Variants in PCDHA8 observed in about 807,000 individuals in gnomAD.
The protein encoded by PCDHA8 is protocadherin alpha 8, also known as protocadherin alpha-8.
PCDHA8 carries 53 observed loss-of-function variants against 61.8 expected under a neutral mutation model. The ratio of observed to expected loss-of-function variants is 0.86; its 90% confidence interval spans 0.69 to 1.08. The LOEUF is 1.08. Among genes scored for constraint, PCDHA8 ranks in the 50% least tolerant of loss-of-function variants. PCDHA8 has a pLI of 0.00. For missense variants in PCDHA8, 1,293 were observed against 1,245.0 expected, an observed-to-expected ratio of 1.04 and a Z score of -0.58; for synonymous variants, 618 against 556.6, an observed-to-expected ratio of 1.11 and a Z score of -1.55.
intron 1 of PCDHA8, among the ~76,000 whole-genome samples, chr5:140,918,002 A>G (rs2153546564): frequency 1.3e-5 from 2 of 152,244 alleles, no homozygotes; most frequent in South Asian, 4.2e-4. Context: ...TATCTTAACA[A>G]TGTTGTTTCT....
At position 140,850,688 on chromosome 5, in the gene PCDHA8, G is replaced by A. The variant is rs2150494137; in HGVS notation, c.2394+6973G>A. On this transcript the variant is annotated intron_variant, in intron 1 of 3. Coordinates refer to ENST00000531613, the MANE Select transcript of PCDHA8 (RefSeq NM_018911.3). ...GCTCGGCGATGCCCACCGAGGGCGA[G>A]TGCGCGCCTGGCAAGCCGACGCTGG... The A allele has an allele frequency of 4.4e-6, 7 of 1,598,388 alleles. 1 individual carries two copies. The African/African-American group carries it at 8.1e-5, about 18-fold the overall frequency.
intron 1 of PCDHA8, chr5:140,928,490 CT>C: frequency 1.2e-6 from 2 of 1,614,150 alleles, no homozygotes; most frequent in Non-Finnish European, 1.7e-6. Context: ...GGTGGCATTC[CT>C]CCCAGAAGTG....
chr5:140,986,732 C>T (rs1427962629), intron 3 of PCDHA8, among the ~76,000 whole-genome samples: 1 of 152,150 alleles, frequency 6.6e-6, no homozygotes, highest in African/African-American at 2.4e-5. Context: ...CTTCTCAAGA[C>T]CCCAGGGGAT....
chr5:140,985,590 T>C (rs1049609959), intron 3 of PCDHA8, among the ~76,000 whole-genome samples: 5 of 152,166 alleles, frequency 3.3e-5, no homozygotes, highest in African/African-American at 1.2e-4. Flanking sequence ...TCCTTATACT[T>C]GCTTCAGAGC....
intron 1 of PCDHA8, chr5:140,859,996 T>A (rs181986889): frequency 4.7e-4 from 71 of 152,116 alleles, no homozygotes; most frequent in Non-Finnish European, 8.7e-4. Context: ...TCTCCATCAA[T>A]ACTAACTTAA....
chr5:140,968,782 C>T (rs1256152245), intron 1 of PCDHA8: 43 of 1,614,072 alleles, frequency 2.7e-5, no homozygotes, highest in African/African-American at 8.0e-5. Flanking sequence ...CACTATCAGC[C>T]TCTGTGGCCA....
At chr5:141,006,606 C>T (rs782461917) in intron 3 of PCDHA8, among the ~76,000 whole-genome samples, 3 of 152,112 alleles carry the variant, frequency 2.0e-5, no homozygotes, top group Non-Finnish European at 4.4e-5. Flanking sequence ...TGGAAGCAGA[C>T]TGAATAAGGA....
At chr5:140,929,357 G>A (rs1554207016) in intron 1 of PCDHA8, 14 of 1,523,448 alleles carry the variant, frequency 9.2e-6, no homozygotes, top group Non-Finnish European at 1.2e-5. Flanking sequence ...TGATTCCTTT[G>A]GCCCGGAGAT....
rs184768008 is a variant in PCDHA8 at position 140,933,949 on chromosome 5, G to C, written c.2395-45000G>C. ...GTTGTGACTTTTTTTCACATCTGCA[G>C]GATCTGTAGTGATGTTTCCCTTTTC... On this transcript the variant is annotated intron_variant, in intron 1 of 3. Coordinates refer to ENST00000531613, the MANE Select transcript of PCDHA8 (RefSeq NM_018911.3). Among the ~76,000 whole-genome samples the C allele has an allele frequency of 8.5e-4, 129 of 151,910 alleles. 1 individual carries two copies. The highest frequency in any genetic ancestry group is 3.0e-3 in the African/African-American group (123 of 41,458).
At chr5:140,962,431 A>G (rs782205198) in intron 1 of PCDHA8, among the ~76,000 whole-genome samples, 2 of 152,126 alleles carry the variant, frequency 1.3e-5, no homozygotes, top group Non-Finnish European at 2.9e-5. Flanking sequence ...ATTGTTACTT[A>G]TCCAAAGATG....
At position 140,842,785 on chromosome 5, in the gene PCDHA8, G is replaced by A. The variant is rs2150344223; in HGVS notation, c.1464G>A (p.Ala488=). 4 of 1,594,390 alleles carry A rather than the reference G, an allele frequency of 2.5e-6. 1 individual carries two copies. The highest frequency in any genetic ancestry group is 3.4e-5 in the Admixed American group (2 of 59,288). ...SARDADAQEN[A]LVSYSLVERR... ...GAGACGCGGACGCGCAGGAGAACGCGCTGGTGTCCTACTCGCTTGTGGAGC... is the reference window on the plus strand; with the variant it reads ...GAGACGCGGACGCGCAGGAGAACGCACTGGTGTCCTACTCGCTTGTGGAGC... Residue 488 remains alanine (A), a synonymous_variant, in exon 1 of 4, where the codon GCG becomes GCA. Transcript: ENST00000531613.
intron 1 of PCDHA8, among the ~76,000 whole-genome samples, chr5:140,958,419 A>G (rs1275772647): frequency 6.6e-6 from 1 of 152,196 alleles, no homozygotes; most frequent in Non-Finnish European, 1.5e-5. Flanking sequence ...GCTTGGAAAG[A>G]AGCACTTTTT....
intron 1 of PCDHA8, chr5:140,858,274 G>T: frequency 6.3e-7 from 1 of 1,597,416 alleles, no homozygotes; most frequent in Non-Finnish European, 8.6e-7. Flanking sequence ...GCTCTAGCGC[G>T]GTGGGGAGCT....
intron 1 of PCDHA8, among the ~76,000 whole-genome samples, chr5:140,915,901 G>A (rs1339531688): frequency 1.3e-5 from 2 of 152,250 alleles, no homozygotes; most frequent in East Asian, 1.9e-4. Flanking sequence ...CCTGGCCCTG[G>A]GCAGGCCCAG....
At chr5:140,948,957 C>G (rs1338643900) in intron 1 of PCDHA8, among the ~76,000 whole-genome samples, 2 of 151,542 alleles carry the variant, frequency 1.3e-5, no homozygotes, top group Admixed American at 1.3e-4. Context: ...AAATTAAAGC[C>G]ACGAATTTAT....
chr5:140,848,861 G>C, intron 1 of PCDHA8: 1 of 1,590,758 alleles, frequency 6.3e-7, no homozygotes, highest in Non-Finnish European at 8.6e-7. Flanking sequence ...TGGACGTGGA[G>C]GTGAAGGACA....
At chr5:140,884,020 G>A (rs61734917) in intron 1 of PCDHA8, 5 of 1,613,174 alleles carry the variant, frequency 3.1e-6, no homozygotes, top group East Asian at 2.2e-5. Flanking sequence ...TGCCGCGGTC[G>A]GTGGGTGCAG....
At chr5:140,851,542 C>T in intron 1 of PCDHA8, 1 of 907,540 alleles carries the variant, frequency 1.1e-6, no homozygotes, top group Non-Finnish European at 1.3e-6. Context: ...GTAGATAATT[C>T]AAGAAATGTT....
At chr5:140,971,632 A>G (rs1228797401) in intron 1 of PCDHA8, among the ~76,000 whole-genome samples, 2 of 152,158 alleles carry the variant, frequency 1.3e-5, no homozygotes, top group Admixed American at 6.5e-5. Context: ...AATTAGTACC[A>G]TGTGCCTACA....
Sources: allele counts gnomAD v4.1 joint callset (sites outside exome capture counted in the v4.1 genomes callset), GRCh38; gene constraint gnomAD v4.1.1; transcripts MANE v1.5; gene names NCBI Gene and HGNC (gene_info 2026-07-23, HGNC 2026-07-21).